The following DHX29 variants were observed in gnomAD, a reference collection of about 807,000 sequenced individuals.
DHX29 encodes the protein ATP-dependent RNA helicase DHX29.
DHX29 carries 79 observed loss-of-function variants against 167.9 expected under a neutral mutation model. The ratio of observed to expected loss-of-function variants is 0.47; its 90% CI spans 0.39 to 0.57. The LOEUF (loss-of-function observed/expected upper bound fraction) is 0.57. Ranked by LOEUF, DHX29 falls within the 20% of genes least tolerant of loss-of-function variation. The probability of loss-of-function intolerance (pLI) is 0.00; values close to 1 mark genes in which losing one functional copy is unlikely to be tolerated. For missense variants in DHX29, 1,347 were observed against 1,593.4 expected (o/e 0.85, Z 2.63); for synonymous variants, 530 against 546.0 (o/e 0.97, Z 0.41).
chr5:55,271,492 GTGTGGTGGCA>G (rs1008291560), intron 18 of DHX29, among the ~76,000 whole-genome samples: 1 of 152,228 alleles, frequency 6.6e-6, no homozygotes, highest in African/African-American at 2.4e-5. Flanking sequence ...CATTAGCCGA[GTGTGGTGGCA>G]TGTGCCTGTA....
chr5:55,291,450 A>T (rs527423654), intron 6 of DHX29, among the ~76,000 whole-genome samples: 1 of 152,276 alleles, frequency 6.6e-6, no homozygotes, highest in African/African-American at 2.4e-5. Flanking sequence ...TATCCTTTCC[A>T]TCTTTCCTGT....
At chr5:55,273,586 AT>A (rs1219818635) in intron 16 of DHX29, among the ~76,000 whole-genome samples, 1 of 152,212 alleles carries the variant, frequency 6.6e-6, no homozygotes, top group Non-Finnish European at 1.5e-5. Flanking sequence ...ATAGGATTAA[AT>A]TTTTTTAATG....
In DHX29 at chr5:55,261,515, G is replaced by C; in HGVS notation, c.3829-16C>G. 6.7e-7 allele frequency: 1 copy of C among 1,498,196 alleles called. No homozygotes were observed. The highest frequency in any genetic ancestry group is 9.1e-7 in the Non-Finnish European group (1 of 1,096,294). 92.8% of individuals were successfully genotyped at this position (1,498,196 alleles called of 1,614,324 possible). A position where few individuals can be genotyped will look rare whatever the true frequency, so the allele number is the denominator to read the frequency against. On this transcript the variant is annotated splice_polypyrimidine_tract_variant and intron_variant, in intron 24 of 26. Coordinates refer to ENST00000251636, the MANE Select transcript of DHX29 (RefSeq NM_019030.4). ...CATACCTTATCTACATGGGAAAAAG[G>C]GGGGAAAATAACTTCAAAATATAAA...
intron 1 of DHX29, among the ~76,000 whole-genome samples, chr5:55,306,095 T>C (rs1200981332): frequency 6.6e-6 from 1 of 152,238 alleles, no homozygotes; most frequent in Non-Finnish European, 1.5e-5. Context: ...ACTGCCATAG[T>C]TGTCAGGGAG....
At chr5:55,292,777 T>C (rs1748115918) in intron 6 of DHX29, among the ~76,000 whole-genome samples, 1 of 152,164 alleles carries the variant, frequency 6.6e-6, no homozygotes, top group African/African-American at 2.4e-5. Context: ...GTTCACACTA[T>C]TTCACACATG....
At position 55,277,109 on chromosome 5, in the gene DHX29, A is replaced by C; in HGVS notation, c.2283T>G (p.Val761=). The C allele has an allele frequency of 1.2e-6, 2 of 1,605,094 alleles. No homozygotes were observed. Among genetic ancestry groups the C allele is most frequent in the Non-Finnish European group, 1.7e-6 (2 of 1,176,964 alleles). ...ILRISGRSYP[V]EVFHLEDIIE... is the part of the protein sequence containing the mutation. ...ACACATTATAAAGAAAACTTACCTC[A>C]ACAGGATAACTTCTTCCTGAAATTC... Residue 761 remains valine (V), a synonymous_variant, in exon 13 of 27, where the codon GTT becomes GTG. Transcript: ENST00000251636.
intron 5 of DHX29, 126 bp downstream of exon 5, chr5:55,295,253 A>G (rs1748254882): frequency 2.7e-6 from 2 of 751,920 alleles, no homozygotes; most frequent in Non-Finnish European, 4.2e-6. Flanking sequence ...AGAAAAGTCT[A>G]GCAAACCAAT....
chr5:55,296,560 T>C (rs1748331644), intron 3 of DHX29, among the ~76,000 whole-genome samples: 1 of 152,204 alleles, frequency 6.6e-6, no homozygotes, highest in Admixed American at 6.5e-5. Flanking sequence ...AAATTATCCA[T>C]ATTCTCACTA....
intron 1 of DHX29, among the ~76,000 whole-genome samples, chr5:55,306,627 A>T (rs1748877292): frequency 6.6e-6 from 1 of 152,154 alleles, no homozygotes; most frequent in African/African-American, 2.4e-5. Context: ...CTCACATCTT[A>T]TCAGACACAT....
chr5:55,283,198 C>G lies in DHX29; in HGVS notation c.1965+5G>C. On this transcript the variant is annotated splice_donor_5th_base_variant and intron_variant, in intron 11 of 26. Transcript: ENST00000251636. The stretch of plus-strand genomic sequence containing the variant: ...TCACTGAGGTGGAGTTGAATGACAG[C>G]TTACCCTTCCTCCAGGTCCATTTTC... 6.4e-7 allele frequency: 1 copy of G among 1,571,652 alleles called. No homozygotes were observed. The highest frequency in any genetic ancestry group is 8.6e-7 in the Non-Finnish European group (1 of 1,156,766).
At chr5:55,281,117 T>TAC (rs10592968) in intron 12 of DHX29, among the ~76,000 whole-genome samples, 45 of 149,980 alleles carry the variant, frequency 3.0e-4, no homozygotes, top group Admixed American at 9.4e-4. Context: ...TATATATATG[T>TAC]ACACACACAC....
chr5:55,283,386 T>C lies in DHX29; in HGVS notation c.1782A>G (p.Ala594=). 1.9e-6 allele frequency: 3 copies of C among 1,614,228 alleles called. No homozygotes were observed. Among genetic ancestry groups the C allele is most frequent in the Non-Finnish European group, 2.5e-6 (3 of 1,180,020 alleles). Reference sequence around the variant, plus strand: ...TACTTTTACCACTCCCTGTTTCACCTGCCACAACCACTACCCGATGCCTTT... The same window carrying C: ...TACTTTTACCACTCCCTGTTTCACCCGCCACAACCACTACCCGATGCCTTT... The part of the protein sequence containing the change: ...TLKRHRVVVV[A]GETGSGKSTQ... The change falls in exon 11 of 27, where the codon GCA becomes GCG. Residue 594 remains alanine (A), a synonymous_variant. Coordinates refer to ENST00000251636, the MANE Select transcript of DHX29 (RefSeq NM_019030.4).
At chr5:55,303,722 G>C (rs556235966) in intron 1 of DHX29, among the ~76,000 whole-genome samples, 1 of 152,210 alleles carries the variant, frequency 6.6e-6, no homozygotes, top group South Asian at 2.1e-4. Context: ...TTTTAGGCTT[G>C]TTTTTCCCTC....
chr5:55,272,798 C>T (rs1746917041), intron 17 of DHX29, among the ~76,000 whole-genome samples: 1 of 152,054 alleles, frequency 6.6e-6, no homozygotes, highest in Admixed American at 6.6e-5. Flanking sequence ...ATGGAGACAG[C>T]TTAGCACAAC....
chr5:55,305,185 A>G (rs1206166859), intron 1 of DHX29, among the ~76,000 whole-genome samples: 1 of 152,262 alleles, frequency 6.6e-6, no homozygotes, highest in Admixed American at 6.5e-5. Context: ...TACATATCAT[A>G]AGGCAAGAAC....
chr5:55,267,673 A>G lies in DHX29; in HGVS notation c.3431+13T>C. ...TAATTGGCTTACTGATAACAGCCAG[A>G]TTATGTTTTTACCCTAGATATGCAT... On this transcript the variant is annotated intron_variant, in intron 22 of 26. Transcript: ENST00000251636. 2 of 1,591,276 alleles carry G rather than the reference A, an allele frequency of 1.3e-6. No homozygotes were observed. The highest frequency in any genetic ancestry group is 1.7e-6 in the Non-Finnish European group (2 of 1,168,760).
At chr5:55,283,072 G>T in intron 11 of DHX29, 131 bp downstream of exon 11, 1 of 931,370 alleles carries the variant, frequency 1.1e-6, no homozygotes, top group Non-Finnish European at 1.5e-6. Flanking sequence ...TGTGAAAAGT[G>T]CCTGAAATGT....
At chr5:55,287,320 A>AGT (rs1747785873) in intron 8 of DHX29, among the ~76,000 whole-genome samples, 1 of 152,104 alleles carries the variant, frequency 6.6e-6, no homozygotes, top group Non-Finnish European at 1.5e-5. Flanking sequence ...ATGCACCTGT[A>AGT]ATCCCGGCTA....
chr5:55,262,995 T>C lies in DHX29; in HGVS notation c.3526-63A>G, dbSNP rs997275323. On this transcript the variant is annotated intron_variant, in intron 23 of 26. Coordinates refer to ENST00000251636, the MANE Select transcript of DHX29 (RefSeq NM_019030.4). ...TGATTAGAGGAATTTCCAAATAACA[T>C]TGTAGTTTATATTACTGCTTCCTAT... The C allele has an allele frequency of 1.6e-5, 20 of 1,272,192 alleles. No individual in the cohort carries two copies. The African/African-American group carries it at 1.8e-4, about 11-fold the overall frequency. 78.8% of individuals were successfully genotyped at this position (1,272,192 alleles called of 1,614,324 possible).
Sources: allele counts gnomAD v4.1 joint callset (sites outside exome capture counted in the v4.1 genomes callset), GRCh38; gene constraint gnomAD v4.1.1; transcripts MANE v1.5; gene names NCBI Gene and HGNC (gene_info 2026-07-23, HGNC 2026-07-21).